KCNQ3: variants seen among roughly 807,000 people sequenced by gnomAD.
KCNQ3 encodes potassium voltage-gated channel subfamily KQT member 3.
A neutral mutation model predicts 92.5 loss-of-function variants in KCNQ3; 30 were observed. The observed-to-expected ratio is 0.32, with a 90% CI of 0.24 to 0.44. The LOEUF is 0.44. KCNQ3 is among the 20% of genes least tolerant of loss of function. The pLI, the probability that KCNQ3 is intolerant of heterozygous loss-of-function variation, is 1.00. For synonymous variants in KCNQ3, 450 were observed against 468.8 expected, an observed-to-expected ratio of 0.96 and a Z score of 0.52; for missense variants, 913 against 1,140.3, an observed-to-expected ratio of 0.80 and a Z score of 2.87.
rs993309356 is a variant in KCNQ3, at chr8:132,331,182, G to A, written c.387-145001C>T. Among the ~76,000 whole-genome samples the A allele has an allele frequency of 3.9e-5, 6 of 152,144 alleles. No individual in the cohort carries two copies. In the South Asian group the frequency reaches 1.2e-3, roughly 32 times the overall value. ...CCATCTAACCTCAGGACAACCCTGT[G>A]GTAACAGCTCTCTCTGTACACTGCA... On this transcript the variant is annotated intron_variant, in intron 1 of 14. Transcript: ENST00000388996.
chr8:132,447,432 G>A (rs554188727), intron 1 of KCNQ3, among the ~76,000 whole-genome samples: 1 of 152,268 alleles, frequency 6.6e-6, no homozygotes, highest in Non-Finnish European at 1.5e-5. Flanking sequence ...AAGAGGTGGT[G>A]GAGGGGTACC....
chr8:132,468,257 C>T (rs1822225851), intron 1 of KCNQ3, among the ~76,000 whole-genome samples: 1 of 152,154 alleles, frequency 6.6e-6, no homozygotes, highest in Non-Finnish European at 1.5e-5. Context: ...GAGGGACAGG[C>T]AGAAGGAGAG....
chr8:132,155,295 G>A (rs1825769320), intron 9 of KCNQ3, among the ~76,000 whole-genome samples: 1 of 152,196 alleles, frequency 6.6e-6, no homozygotes, highest in Non-Finnish European at 1.5e-5. Flanking sequence ...AGGGAAGGCA[G>A]AGGATAGAAT....
chr8:132,411,536 G>A (rs1820652241), intron 1 of KCNQ3, among the ~76,000 whole-genome samples: 1 of 152,196 alleles, frequency 6.6e-6, no homozygotes, highest in Non-Finnish European at 1.5e-5. Flanking sequence ...CAGGACAGGT[G>A]TTGGTGAGGG....
intron 1 of KCNQ3, among the ~76,000 whole-genome samples, chr8:132,245,356 CCTAT>C (rs751316832): frequency 1.1e-4 from 16 of 152,244 alleles, no homozygotes; most frequent in East Asian, 3.9e-4. Flanking sequence ...CTGCAAAACT[CCTAT>C]CTATTTGTCA....
At chr8:132,400,681 AT>A (rs1343132335) in intron 1 of KCNQ3, among the ~76,000 whole-genome samples, 1 of 152,250 alleles carries the variant, frequency 6.6e-6, no homozygotes, top group Non-Finnish European at 1.5e-5. Context: ...AAGGAAAACA[AT>A]CACAGAGGCT....
Position 132,129,781 on chromosome 8 carries a change from G to A in KCNQ3, c.2100C>T (p.His700=), listed in dbSNP as rs563382297. The change falls in exon 15 of 15, where the codon CAC becomes CAT. Residue 700 remains histidine, a synonymous_variant. Coordinates refer to ENST00000388996, the MANE Select transcript of KCNQ3 (RefSeq NM_004519.4). The surrounding 1 kb of genome is among the most constrained non-coding windows in gnomAD (Gnocchi z 5.9). ...GGCTGACTTTGTCAATGGTCACCTG[G>A]TGGAAGCTGTAGGGTGGTTCCGGGG... ...TGPPEPPYSF[H]QVTIDKVSPY... 6.2e-7 allele frequency: 1 copy of A among 1,614,212 alleles called. No individual in the cohort carries two copies.
At chr8:132,396,275 A>G (rs993779752) in intron 1 of KCNQ3, among the ~76,000 whole-genome samples, 2 of 152,112 alleles carry the variant, frequency 1.3e-5, no homozygotes, top group Admixed American at 6.5e-5. Flanking sequence ...TGGAGCATCA[A>G]TTCTCTAACC....
chr8:132,200,548 A>G (rs1030303209), intron 1 of KCNQ3, among the ~76,000 whole-genome samples: 1 of 152,220 alleles, frequency 6.6e-6, no homozygotes, highest in Non-Finnish European at 1.5e-5. Flanking sequence ...ACTTAAATAT[A>G]TGGGACCTAA....
intron 1 of KCNQ3, among the ~76,000 whole-genome samples, chr8:132,475,436 C>T (rs962141097): frequency 6.6e-6 from 1 of 152,110 alleles, no homozygotes; most frequent in Non-Finnish European, 1.5e-5. Flanking sequence ...ACAATGAAGT[C>T]CAGGCTGAGG....
chr8:132,438,559 C>T (rs1587019775), intron 1 of KCNQ3, among the ~76,000 whole-genome samples: 1 of 152,142 alleles, frequency 6.6e-6, no homozygotes, highest in Admixed American at 6.6e-5. Context: ...GGAACCCCTG[C>T]AACGTGTGGG....
intron 1 of KCNQ3, among the ~76,000 whole-genome samples, chr8:132,191,730 C>T (rs1201414227): frequency 2.0e-5 from 3 of 151,558 alleles, no homozygotes; most frequent in Admixed American, 6.6e-5. Flanking sequence ...GCAGTCAAGA[C>T]GACGTTATCA....
At chr8:132,302,717 T>C (rs1817258189) in intron 1 of KCNQ3, among the ~76,000 whole-genome samples, 1 of 152,200 alleles carries the variant, frequency 6.6e-6, no homozygotes, top group South Asian at 2.1e-4. Flanking sequence ...CACTCGATTT[T>C]TTTCTCTCTC....
At chr8:132,196,820 T>C (rs1298002483) in intron 1 of KCNQ3, among the ~76,000 whole-genome samples, 2 of 152,216 alleles carry the variant, frequency 1.3e-5, no homozygotes, top group East Asian at 3.9e-4. Flanking sequence ...ATTTCAGACC[T>C]CAGCTTTGCC....
At chr8:132,329,074 G>A (rs1165410218) in intron 1 of KCNQ3, among the ~76,000 whole-genome samples, 1 of 152,234 alleles carries the variant, frequency 6.6e-6, no homozygotes, top group East Asian at 1.9e-4. Context: ...TTGAGCACCA[G>A]TAAACAAGAA....
At chr8:132,160,257 G>C (rs1025806818) in intron 9 of KCNQ3, among the ~76,000 whole-genome samples, 4 of 152,212 alleles carry the variant, frequency 2.6e-5, no homozygotes, top group African/African-American at 4.8e-5. Context: ...TGGATAACAA[G>C]GGCATGACAG....
intron 1 of KCNQ3, among the ~76,000 whole-genome samples, chr8:132,364,859 G>A (rs1819275402): frequency 1.3e-5 from 2 of 151,970 alleles, no homozygotes; most frequent in African/African-American, 2.4e-5. Flanking sequence ...AAGTATTTTT[G>A]GGGTATATTT....
At chr8:132,424,187 C>T (rs985719236) in intron 1 of KCNQ3, among the ~76,000 whole-genome samples, 1 of 151,468 alleles carries the variant, frequency 6.6e-6, no homozygotes, top group Non-Finnish European at 1.5e-5. Context: ...ACAGAATCAG[C>T]TGCTGCCTCT....
At chr8:132,282,884 G>C in intron 1 of KCNQ3, among the ~76,000 whole-genome samples, 1 of 152,204 alleles carries the variant, frequency 6.6e-6, no homozygotes, top group East Asian at 1.9e-4. Flanking sequence ...AGAGGCCACA[G>C]GGTCCCAACA....
Sources: allele counts gnomAD v4.1 joint callset (sites outside exome capture counted in the v4.1 genomes callset), GRCh38; gene constraint gnomAD v4.1.1; non-coding constraint Gnocchi (gnomAD v3.1); transcripts MANE v1.5; gene names NCBI Gene and HGNC (gene_info 2026-07-23, HGNC 2026-07-21).